The following RALYL variants were observed in gnomAD, a reference collection of about 807,000 sequenced individuals.
RALYL encodes the protein RALY RNA binding protein like.
Under a neutral mutation model 35.1 loss-of-function variants are expected in RALYL, and 29 were observed. The observed-to-expected ratio is 0.83, with a 90% confidence interval of 0.61 to 1.13. The LOEUF is 1.13. RALYL is among the 50% of genes most tolerant of loss of function. The pLI is 0.00. For synonymous variants in RALYL, 120 were observed against 127.6 expected, an observed-to-expected ratio of 0.94 and a Z score of 0.40; for missense variants, 359 against 360.4, an observed-to-expected ratio of 1.00 and a Z score of 0.03.
intron 5 of RALYL, among the ~76,000 whole-genome samples, chr8:84,858,237 CAA>C: frequency 6.6e-6 from 1 of 152,106 alleles, no homozygotes; most frequent in East Asian, 1.9e-4. Flanking sequence ...ATTAAATTCT[CAA>C]ATTTTCTCCA....
chr8:84,861,794 C>A (rs1445596123), intron 5 of RALYL, among the ~76,000 whole-genome samples: 4 of 152,166 alleles, frequency 2.6e-5, no homozygotes, highest in South Asian at 4.1e-4. Context: ...TTTCTTGAAG[C>A]TGGTTTTACT....
intron 4 of RALYL, among the ~76,000 whole-genome samples, chr8:84,822,086 A>G (rs1828653809): frequency 6.6e-6 from 1 of 152,212 alleles, no homozygotes; most frequent in Non-Finnish European, 1.5e-5. Context: ...ATAAAAGATG[A>G]AACACTTGTT....
At chr8:84,423,570 G>A (rs1037741166) in intron 1 of RALYL, among the ~76,000 whole-genome samples, 3 of 151,708 alleles carry the variant, frequency 2.0e-5, no homozygotes, top group African/African-American at 7.3e-5. Context: ...ATATTGTTAT[G>A]TGTGAATTTG....
intron 2 of RALYL, among the ~76,000 whole-genome samples, chr8:84,607,542 T>C (rs1817405228): frequency 6.6e-6 from 1 of 152,134 alleles, no homozygotes; most frequent in Admixed American, 6.6e-5. Context: ...TGTCCCAACA[T>C]TGCCCATAGG....
intron 1 of RALYL, among the ~76,000 whole-genome samples, chr8:84,523,298 C>CTCATGAGACTTATTCACAT (rs2058610340): frequency 6.9e-6 from 1 of 145,072 alleles, no homozygotes; most frequent in Admixed American, 8.5e-5. Context: ...ACCATCAGCT[C>CTCATGAGACTTATTCACAT]TCATGAGACT....
intron 1 of RALYL, among the ~76,000 whole-genome samples, chr8:84,289,869 G>A (rs1031239159): frequency 1.1e-4 from 17 of 152,094 alleles, no homozygotes; most frequent in African/African-American, 3.9e-4. Flanking sequence ...ATTGTACCAA[G>A]AGCTAATGAA....
chr8:84,530,039 G>A (rs561244012), intron 2 of RALYL, among the ~76,000 whole-genome samples: 3 of 152,054 alleles, frequency 2.0e-5, no homozygotes, highest in African/African-American at 7.2e-5. Context: ...AATGGGGAAA[G>A]GAATATAATT....
intron 2 of RALYL, among the ~76,000 whole-genome samples, chr8:84,773,107 C>G (rs747356247): frequency 8.5e-5 from 13 of 152,088 alleles, no homozygotes; most frequent in Non-Finnish European, 1.5e-4. Flanking sequence ...GTGACCTGTG[C>G]CCGCTGAACC....
intron 1 of RALYL, among the ~76,000 whole-genome samples, chr8:84,392,564 T>C (rs1332170285): frequency 6.6e-6 from 1 of 152,044 alleles, no homozygotes; most frequent in Non-Finnish European, 1.5e-5. Flanking sequence ...TTAGAAAGTA[T>C]TAAGCTATAG....
At chr8:84,604,141 C>A (rs938512254) in intron 2 of RALYL, among the ~76,000 whole-genome samples, 2 of 152,020 alleles carry the variant, frequency 1.3e-5, no homozygotes, top group African/African-American at 2.4e-5. Flanking sequence ...AAATTGAGTG[C>A]GCTTCTGACA....
intron 2 of RALYL, among the ~76,000 whole-genome samples, chr8:84,597,088 TA>T (rs1814729468): frequency 6.6e-6 from 1 of 152,070 alleles, no homozygotes. Flanking sequence ...AAATCTAAAA[TA>T]ATGCAAGTCA....
chr8:84,196,225 G>C (rs1159713089), intron 1 of RALYL, among the ~76,000 whole-genome samples: 1 of 152,110 alleles, frequency 6.6e-6, no homozygotes, highest in South Asian at 2.1e-4. Context: ...CTTTTTCCCT[G>C]TTCTAGTCCT....
At chr8:84,762,802 C>A (rs989247347) in intron 2 of RALYL, among the ~76,000 whole-genome samples, 2 of 152,148 alleles carry the variant, frequency 1.3e-5, no homozygotes, top group East Asian at 3.8e-4. Context: ...TATGAAATGA[C>A]ATACAAATGT....
chr8:84,863,232 G>T (rs1015758891), intron 6 of RALYL, among the ~76,000 whole-genome samples: 2 of 152,164 alleles, frequency 1.3e-5, no homozygotes, highest in African/African-American at 4.8e-5. Context: ...ATTGACTGAG[G>T]TGACATTTGA....
At position 84,288,423 on chromosome 8, in the gene RALYL, T is replaced by G. The variant is rs575851667; in HGVS notation, c.-24+103999T>G. Among the ~76,000 whole-genome samples, 8 of 152,332 alleles carry G rather than the reference T, an allele frequency of 5.3e-5. No individual in the cohort carries two copies. The East Asian group carries it at 1.5e-3, about 29-fold the overall frequency. On this transcript the variant is annotated intron_variant, in intron 1 of 8. Transcript: ENST00000521268. ...CTTCTTCAGTTGTATCTATTCAAAC[T>G]GTGACAGGGCCTCATTTTTCAATGG...
intron 1 of RALYL, among the ~76,000 whole-genome samples, chr8:84,199,354 C>A (rs1816263379): frequency 6.6e-6 from 1 of 151,958 alleles, no homozygotes; most frequent in African/African-American, 2.4e-5. Context: ...TATTAGATTC[C>A]TTCCTATAGA....
intron 2 of RALYL, among the ~76,000 whole-genome samples, chr8:84,732,023 T>A (rs1295205568): frequency 6.6e-6 from 1 of 152,158 alleles, no homozygotes; most frequent in Non-Finnish European, 1.5e-5. Context: ...AGACCTCAGG[T>A]GAAATGTGAC....
At chr8:84,270,733 G>C (rs1834152384) in intron 1 of RALYL, among the ~76,000 whole-genome samples, 1 of 152,104 alleles carries the variant, frequency 6.6e-6, no homozygotes, top group Non-Finnish European at 1.5e-5. Context: ...ATGAGGAAGT[G>C]AAATAAATTT....
At chr8:84,852,854 G>A (rs1836157641) in intron 5 of RALYL, among the ~76,000 whole-genome samples, 1 of 152,156 alleles carries the variant, frequency 6.6e-6, no homozygotes, top group Non-Finnish European at 1.5e-5. Flanking sequence ...CCAAAAGTAA[G>A]AGGAAGGACG....
Sources: gnomAD v4.1 joint callset for allele counts (sites outside exome capture counted in the v4.1 genomes callset) on GRCh38, gnomAD v4.1.1 for gene constraint, MANE v1.5 for transcripts, NCBI Gene and HGNC (gene_info 2026-07-23, HGNC 2026-07-21) for gene names.